The following MRPS27 variants were observed in gnomAD, a reference collection of about 807,000 sequenced individuals.
MRPS27 encodes the protein small ribosomal subunit protein mS27.
In MRPS27, 43 loss-of-function variants were observed where a neutral mutation model predicts 48.9. The observed-to-expected ratio is 0.88, with a 90% CI of 0.69 to 1.13. MRPS27 has a LOEUF of 1.13. Ranked by LOEUF, MRPS27 falls within the 50% of genes most tolerant of loss-of-function variation. The pLI is 0.00. For synonymous variants in MRPS27, 188 were observed against 171.9 expected (o/e 1.09, Z -0.73); for missense variants, 467 against 476.3 (o/e 0.98, Z 0.18).
intron 3 of MRPS27, among the ~76,000 whole-genome samples, chr5:72,295,852 T>A (rs111913485): frequency 0.015 from 2,217 of 152,292 alleles, 50 homozygotes; most frequent in African/African-American, 0.051. Context: ...AAGCCAAACA[T>A]GAACCTTGCT....
intron 8 of MRPS27, among the ~76,000 whole-genome samples, chr5:72,226,539 A>G (rs542519209): frequency 5.9e-5 from 9 of 152,342 alleles, no homozygotes; most frequent in African/African-American, 2.2e-4. Flanking sequence ...TTAAAAAACA[A>G]GTCAACTGAG....
At chr5:72,276,475 G>A (rs565137671) in intron 4 of MRPS27, among the ~76,000 whole-genome samples, 10 of 152,130 alleles carry the variant, frequency 6.6e-5, no homozygotes, top group African/African-American at 1.9e-4. Flanking sequence ...GAAGAAAATC[G>A]AGGCAGTATC....
intron 4 of MRPS27, among the ~76,000 whole-genome samples, chr5:72,242,440 A>C (rs1335616325): frequency 6.6e-6 from 1 of 151,552 alleles, no homozygotes; most frequent in Non-Finnish European, 1.5e-5. Context: ...AAAAAAAAAA[A>C]AAAACACCAC....
intron 4 of MRPS27, among the ~76,000 whole-genome samples, chr5:72,265,432 A>T (rs961405938): frequency 1.3e-5 from 2 of 152,238 alleles, no homozygotes; most frequent in Non-Finnish European, 2.9e-5. Context: ...AATACAATTA[A>T]TTATTTGTTG....
intron 2 of MRPS27, among the ~76,000 whole-genome samples, chr5:72,306,796 A>T (rs939117044): frequency 6.6e-6 from 1 of 152,184 alleles, no homozygotes; most frequent in Non-Finnish European, 1.5e-5. Context: ...AAGTACATAT[A>T]AAAAAACCCC....
At chr5:72,307,504 T>A (rs563386866) in intron 2 of MRPS27, among the ~76,000 whole-genome samples, 1 of 152,158 alleles carries the variant, frequency 6.6e-6, no homozygotes, top group Admixed American at 6.5e-5. Context: ...TATTTACGGA[T>A]GAAATGACTT....
intron 2 of MRPS27, among the ~76,000 whole-genome samples, chr5:72,312,963 T>G (rs906445530): frequency 2.0e-5 from 3 of 152,198 alleles, no homozygotes; most frequent in Admixed American, 1.3e-4. Context: ...TTATATTAAC[T>G]ATGAATTTAG....
At chr5:72,259,969 C>T (rs1013780058) in intron 4 of MRPS27, among the ~76,000 whole-genome samples, 21 of 152,180 alleles carry the variant, frequency 1.4e-4, no homozygotes, top group African/African-American at 4.8e-4. Flanking sequence ...GTTCATAGTG[C>T]TTATTGGCTA....
chr5:72,254,879 CT>C (rs890194359), intron 4 of MRPS27, among the ~76,000 whole-genome samples: 2 of 152,142 alleles, frequency 1.3e-5, no homozygotes, highest in African/African-American at 4.8e-5. Flanking sequence ...GTTTAATGGT[CT>C]TTTGCTTTCT....
intron 4 of MRPS27, among the ~76,000 whole-genome samples, chr5:72,249,701 G>T (rs1748605549): frequency 7.1e-6 from 1 of 140,890 alleles, no homozygotes; most frequent in Admixed American, 7.2e-5. Flanking sequence ...ACAAAAACAG[G>T]CTGGGCGCAG....
chr5:72,225,606 A>G (rs1381196822), intron 9 of MRPS27, among the ~76,000 whole-genome samples: 1 of 152,224 alleles, frequency 6.6e-6, no homozygotes, highest in Non-Finnish European at 1.5e-5. Context: ...TCTCATCAGC[A>G]TCACACATTC....
chr5:72,221,134 C>T lies in MRPS27; in HGVS notation c.1020G>A (p.Lys340=). The change falls in exon 11 of 11, where the codon AAG becomes AAA. Residue 340 remains lysine (K), a synonymous_variant. Coordinates refer to ENST00000261413, the MANE Select transcript of MRPS27 (RefSeq NM_015084.3). ...ACTCAATTTTGCCCAGAGCTTGAAG[C>T]TTAGAATGTAAGGCCTGTTGGAAAC... ...YLERFKALHS[K]LQALGKIESE... is the part of the protein sequence containing the mutation. 1 of 1,613,948 alleles carries T rather than the reference C, an allele frequency of 6.2e-7. No homozygotes were observed. The highest frequency in any genetic ancestry group is 8.5e-7 in the Non-Finnish European group (1 of 1,179,960).
At chr5:72,237,546 T>C (rs1748231160) in intron 5 of MRPS27, among the ~76,000 whole-genome samples, 1 of 152,208 alleles carries the variant, frequency 6.6e-6, no homozygotes, top group African/African-American at 2.4e-5. Context: ...CATTTTGTAT[T>C]TACTGCATAC....
chr5:72,301,526 G>A (rs1417103814), intron 2 of MRPS27, among the ~76,000 whole-genome samples: 2 of 152,084 alleles, frequency 1.3e-5, no homozygotes, highest in Non-Finnish European at 2.9e-5. Context: ...TAATTAAAAT[G>A]AAAAACCCAT....
chr5:72,221,769 G>A (rs143670512), intron 10 of MRPS27, among the ~76,000 whole-genome samples: 153 of 152,330 alleles, frequency 1.0e-3, no homozygotes, highest in African/African-American at 3.5e-3. Flanking sequence ...CGTTAGAAGC[G>A]TCTGCCTGCT....
chr5:72,226,525 A>C (rs1466714646), intron 8 of MRPS27, among the ~76,000 whole-genome samples: 1 of 152,106 alleles, frequency 6.6e-6, no homozygotes, highest in Non-Finnish European at 1.5e-5. Context: ...AGGTAAGGAT[A>C]CTCTTAAAAA....
At chr5:72,276,895 G>C (rs1749390722) in intron 4 of MRPS27, among the ~76,000 whole-genome samples, 1 of 152,090 alleles carries the variant, frequency 6.6e-6, no homozygotes, top group African/African-American at 2.4e-5. Flanking sequence ...GCCAGGCGTG[G>C]TGACGGGCAC....
At chr5:72,234,713 G>T (rs933017681) in intron 5 of MRPS27, among the ~76,000 whole-genome samples, 6 of 152,102 alleles carry the variant, frequency 3.9e-5, no homozygotes, top group Non-Finnish European at 8.8e-5. Context: ...TGAGAATTCA[G>T]ATTTCTTAAA....
chr5:72,293,312 A>AT (rs1749881026), intron 4 of MRPS27, among the ~76,000 whole-genome samples: 1 of 151,976 alleles, frequency 6.6e-6, no homozygotes, highest in Admixed American at 6.6e-5. Flanking sequence ...AAAAAAGCTG[A>AT]TAAAAAGAGA....
Sources: allele counts gnomAD v4.1 joint callset (sites outside exome capture counted in the v4.1 genomes callset), GRCh38; gene constraint gnomAD v4.1.1; transcripts MANE v1.5; gene names NCBI Gene and HGNC (gene_info 2026-07-23, HGNC 2026-07-21).